The following SCLT1 variants were observed in gnomAD, a reference collection of about 807,000 sequenced individuals.
The protein encoded by SCLT1 is sodium channel and clathrin linker 1.
A neutral mutation model predicts 112.8 loss-of-function variants in SCLT1; 78 were observed. The ratio of observed to expected loss-of-function variants is 0.69; its 90% confidence interval spans 0.58 to 0.83. SCLT1 has a LOEUF of 0.83. Ranked by LOEUF, SCLT1 falls within the 40% of genes least tolerant of loss-of-function variation. SCLT1 has a pLI of 0.00. For missense variants in SCLT1, 747 were observed against 770.4 expected (o/e 0.97, Z 0.36); for synonymous variants, 257 against 254.7 (o/e 1.01, Z -0.09).
intron 2 of SCLT1, 72 bp from the exon 3 acceptor site, chr4:129,044,123 A>C: frequency 1.4e-6 from 1 of 716,544 alleles, no homozygotes; most frequent in South Asian, 1.7e-5. Context: ...ATATAATATT[A>C]AATGCAATTA....
chr4:128,923,897 C>T (rs1195610551), intron 18 of SCLT1, among the ~76,000 whole-genome samples: 1 of 151,864 alleles, frequency 6.6e-6, no homozygotes, highest in African/African-American at 2.4e-5. Context: ...CAGCTGCAAA[C>T]TCCCAGGCTC....
chr4:129,034,360 T>C (rs1008654655), intron 5 of SCLT1, among the ~76,000 whole-genome samples: 42 of 151,280 alleles, frequency 2.8e-4, no homozygotes, highest in African/African-American at 1.0e-3. Context: ...TCAATAAAAA[T>C]AAGTGTTTAA....
chr4:129,088,001 C>G (rs571814676), intron 1 of SCLT1, among the ~76,000 whole-genome samples: 56 of 151,314 alleles, frequency 3.7e-4, no homozygotes, highest in African/African-American at 1.3e-3. Flanking sequence ...GCAGAAGGAT[C>G]GCTTGAGCCC....
chr4:128,896,774 G>GA (rs940269087), intron 18 of SCLT1, among the ~76,000 whole-genome samples: 12 of 152,048 alleles, frequency 7.9e-5, no homozygotes, highest in East Asian at 1.9e-4. Flanking sequence ...TAAAAACCCT[G>GA]AAAAAAAATT....
rs550155888 is a variant in SCLT1 at position 129,078,450 on chromosome 4, T to C, written c.102+3856A>G. ...ACAAGACACTAAACAGAAGCAAAAA[T>C]CTTAAGATTCTGAGCAAAACTTAAA... On this transcript the variant is annotated intron_variant, in intron 2 of 20. Transcript: ENST00000281142. 3.3e-5 allele frequency among the ~76,000 whole-genome samples: 5 copies of C among 152,208 alleles called. No individual in the cohort carries two copies. The East Asian group carries it at 7.7e-4, about 24-fold the overall frequency.
chr4:129,048,741 C>A (rs199915458), intron 2 of SCLT1, among the ~76,000 whole-genome samples: 1 of 151,988 alleles, frequency 6.6e-6, no homozygotes, highest in East Asian at 1.9e-4. Context: ...CTGACAAAGG[C>A]CTAATATCCA....
At chr4:129,053,910 T>C (rs996781246) in intron 2 of SCLT1, among the ~76,000 whole-genome samples, 2 of 152,154 alleles carry the variant, frequency 1.3e-5, no homozygotes, top group African/African-American at 4.8e-5. Context: ...CCTTTCCATA[T>C]TTAGTGCTTC....
At chr4:129,001,857 G>T (rs72924125) in intron 6 of SCLT1, among the ~76,000 whole-genome samples, 2,748 of 151,800 alleles carry the variant, frequency 0.018, 71 homozygotes, top group African/African-American at 0.055. Context: ...ATTTATTAAC[G>T]TACATATGTG....
chr4:128,892,083 G>A (rs1167669048), intron 18 of SCLT1, among the ~76,000 whole-genome samples: 1 of 152,152 alleles, frequency 6.6e-6, no homozygotes, highest in East Asian at 1.9e-4. Context: ...GGTTGTAAAT[G>A]TACTGTGTTT....
chr4:128,890,331 G>A (rs1407328450), intron 19 of SCLT1, among the ~76,000 whole-genome samples: 1 of 151,472 alleles, frequency 6.6e-6, no homozygotes, highest in Non-Finnish European at 1.5e-5. Flanking sequence ...AATTTTTTTT[G>A]TATTTTAAAT....
intron 18 of SCLT1, among the ~76,000 whole-genome samples, chr4:128,923,624 T>C (rs1310047069): frequency 1.6e-5 from 2 of 125,782 alleles, no homozygotes; most frequent in Non-Finnish European, 3.3e-5. Context: ...ATACAGTATA[T>C]AGTCTTCTAT....
At chr4:128,889,755 T>C (rs921314540) in intron 19 of SCLT1, among the ~76,000 whole-genome samples, 1 of 152,202 alleles carries the variant, frequency 6.6e-6, no homozygotes, top group Non-Finnish European at 1.5e-5. Flanking sequence ...GAAAAAAATA[T>C]TTTTGTACAA....
At chr4:128,992,559 C>T (rs1314979413) in intron 8 of SCLT1, among the ~76,000 whole-genome samples, 1 of 151,910 alleles carries the variant, frequency 6.6e-6, no homozygotes, top group African/African-American at 2.4e-5. Context: ...TCTGAGCAGC[C>T]TGACATGTCT....
At chr4:128,888,206 T>C (rs1207543492) in intron 20 of SCLT1, among the ~76,000 whole-genome samples, 1 of 151,858 alleles carries the variant, frequency 6.6e-6, no homozygotes, top group Non-Finnish European at 1.5e-5. Flanking sequence ...GTATATGTCT[T>C]TTCTGTTTTT....
intron 2 of SCLT1, among the ~76,000 whole-genome samples, chr4:129,070,133 C>T (rs186745593): frequency 2.3e-4 from 35 of 152,198 alleles, no homozygotes; most frequent in Admixed American, 3.3e-4. Flanking sequence ...ATTATCTTCT[C>T]GCTACGTTGT....
rs577671033 is a variant in SCLT1 at position 128,904,608 on chromosome 4, T to C, written c.1830-13471A>G. On this transcript the variant is annotated intron_variant, in intron 18 of 20. Transcript: ENST00000281142. The stretch of plus-strand genomic sequence containing the variant: ...TGTCCACGTTGTACCAGTCTTTTAA[T>C]CAAAATGTTTTCTCAACTAAATCAT... Among the ~76,000 whole-genome samples, 221 of 152,262 alleles carry C rather than the reference T, an allele frequency of 1.5e-3. 1 individual carries two copies. The highest frequency in any genetic ancestry group is 5.0e-3 in the African/African-American group (209 of 41,582).
intron 5 of SCLT1, among the ~76,000 whole-genome samples, chr4:129,014,475 G>A (rs74919657): frequency 1.3e-5 from 2 of 152,054 alleles, no homozygotes; most frequent in Admixed American, 1.3e-4. Context: ...CTGACCTTTC[G>A]AGGCTTTTGT....
intron 9 of SCLT1, among the ~76,000 whole-genome samples, chr4:128,987,111 T>TG (rs1482448029): frequency 2.0e-5 from 3 of 152,090 alleles, no homozygotes; most frequent in Admixed American, 1.3e-4. Flanking sequence ...GGTTCTGAAA[T>TG]GGCTTCTGCA....
intron 17 of SCLT1, 93 bp downstream of exon 17, chr4:128,942,903 A>AG: frequency 1.2e-6 from 1 of 838,092 alleles, no homozygotes; most frequent in Non-Finnish European, 1.9e-6. Flanking sequence ...GCAAAAAAAA[A>AG]GGGGGCCTTA....
Sources: allele counts gnomAD v4.1 joint callset (sites outside exome capture counted in the v4.1 genomes callset), GRCh38; gene constraint gnomAD v4.1.1; transcripts MANE v1.5; gene names NCBI Gene and HGNC (gene_info 2026-07-23, HGNC 2026-07-21).